Variants in SAP130 observed in about 807,000 individuals in gnomAD.
The protein encoded by SAP130 is histone deacetylase complex subunit SAP130.
In SAP130, 16 loss-of-function variants were observed where a neutral mutation model predicts 103.2. That is an observed-to-expected ratio of 0.16 (90% confidence interval 0.10 to 0.24). The LOEUF (loss-of-function observed/expected upper bound fraction) is 0.24. SAP130 is among the 10% of genes least tolerant of loss of function. The pLI is 1.00. For synonymous variants in SAP130, 477 were observed against 497.0 expected, an observed-to-expected ratio of 0.96 and a Z score of 0.53; for missense variants, 990 against 1,359.7, an observed-to-expected ratio of 0.73 and a Z score of 4.28.
At chr2:127,964,909 G>C (rs1680536401) in intron 15 of SAP130, among the ~76,000 whole-genome samples, 1 of 150,770 alleles carries the variant, frequency 6.6e-6, no homozygotes, top group Admixed American at 6.7e-5. Context: ...TGAGACACAA[G>C]AATCACTTGA....
At chr2:127,980,353 C>T (rs947600257) in intron 14 of SAP130, among the ~76,000 whole-genome samples, 1 of 152,074 alleles carries the variant, frequency 6.6e-6, no homozygotes, top group African/African-American at 2.4e-5. Flanking sequence ...TATAAACCGA[C>T]AGAATGACCA....
intron 14 of SAP130, among the ~76,000 whole-genome samples, chr2:127,983,820 GTTGTTTTTT>G (rs1306045953): frequency 3.4e-4 from 38 of 112,368 alleles, no homozygotes; most frequent in African/African-American, 1.2e-3. Context: ...CTATTACTTT[GTTGTTTTTT>G]TTTTTTTTTT....
intron 6 of SAP130, among the ~76,000 whole-genome samples, chr2:128,011,437 G>A (rs1039352807): frequency 1.5e-4 from 23 of 152,156 alleles, no homozygotes; most frequent in African/African-American, 4.6e-4. Context: ...CTAAATGGCC[G>A]AGCTCTGCCC....
intron 15 of SAP130, among the ~76,000 whole-genome samples, chr2:127,958,493 G>C (rs2104781286): frequency 6.6e-6 from 1 of 152,282 alleles, no homozygotes; most frequent in Non-Finnish European, 1.5e-5. Flanking sequence ...AGAAAGAAAT[G>C]AACACATAAG....
At chr2:127,961,757 C>G (rs546739514) in intron 15 of SAP130, among the ~76,000 whole-genome samples, 1 of 152,136 alleles carries the variant, frequency 6.6e-6, no homozygotes, top group African/African-American at 2.4e-5. Context: ...AGTGGACGAA[C>G]CACTTGCTGT....
chr2:127,957,615 G>A (rs904896018), intron 15 of SAP130, among the ~76,000 whole-genome samples: 3 of 151,274 alleles, frequency 2.0e-5, no homozygotes, highest in Non-Finnish European at 2.9e-5. Context: ...GGTTGAGGCC[G>A]CAATGAGTTA....
At chr2:127,999,259 G>T (rs891214634) in intron 10 of SAP130, among the ~76,000 whole-genome samples, 9 of 152,076 alleles carry the variant, frequency 5.9e-5, no homozygotes, top group Admixed American at 4.6e-4. Context: ...GCTCAGAGGG[G>T]CTGGAACCCA....
intron 2 of SAP130, among the ~76,000 whole-genome samples, chr2:128,018,329 AAAC>A (rs1194376541): frequency 4.1e-5 from 6 of 147,066 alleles, no homozygotes; most frequent in African/African-American, 1.1e-4. Context: ...AAAAAAAAAA[AAAC>A]AAACCAAAAA....
intron 15 of SAP130, among the ~76,000 whole-genome samples, chr2:127,956,008 T>C (rs1158703221): frequency 1.3e-5 from 2 of 152,212 alleles, no homozygotes; most frequent in African/African-American, 2.4e-5. Context: ...AATATATATG[T>C]TGTCTTTGGA....
rs188873607 is a variant in SAP130 at position 127,948,159 on chromosome 2, C to G, written c.2797+1710G>C. Reference sequence around the variant, plus strand: ...CTGCATTCAAAGTGAGTTTCTTGTACACAGCACATAGTTGGACTGTGTTTT... The same window carrying G: ...CTGCATTCAAAGTGAGTTTCTTGTAGACAGCACATAGTTGGACTGTGTTTT... On this transcript the variant is annotated intron_variant, in intron 18 of 20. Transcript: ENST00000643581. Among the ~76,000 whole-genome samples, 307 of 152,192 alleles carry G rather than the reference C, an allele frequency of 2.0e-3. 3 individuals are homozygous for G. Among genetic ancestry groups the G allele is most frequent in the South Asian group, 0.011 (52 of 4,824 alleles).
At chr2:128,000,029 G>T in intron 9 of SAP130, 27 bp downstream of exon 9, 1 of 1,605,440 alleles carries the variant, frequency 6.2e-7, no homozygotes, top group Non-Finnish European at 8.5e-7. Context: ...TTCCCCAGTA[G>T]AAGGAAGAGG....
chr2:127,941,951 CA>C lies in SAP130; in HGVS notation c.*54del. 1 of 308,348 alleles carries C rather than the reference CA, an allele frequency of 3.2e-6. No homozygotes were observed. Among genetic ancestry groups the C allele is most frequent in the Non-Finnish European group, 6.0e-6 (1 of 165,334 alleles). 19.1% of individuals were successfully genotyped at this position (308,348 alleles called of 1,614,324 possible). A position where few individuals can be genotyped will look rare whatever the true frequency, so the allele number is the denominator to read the frequency against. On this transcript the variant is annotated 3_prime_UTR_variant, in exon 21 of 21. Transcript: ENST00000643581. ...TTGGAAAAAACCAAAACCCTCCCCC[CA>C]CCCCCACCATCATTCTTCATAAATT...
At chr2:127,982,750 G>A (rs1022155207) in intron 14 of SAP130, among the ~76,000 whole-genome samples, 3 of 152,168 alleles carry the variant, frequency 2.0e-5, no homozygotes, top group Non-Finnish European at 2.9e-5. Context: ...TTGACAAAGC[G>A]AAGTGGGATG....
At chr2:127,965,602 C>A (rs1680599284) in intron 15 of SAP130, among the ~76,000 whole-genome samples, 2 of 151,946 alleles carry the variant, frequency 1.3e-5, no homozygotes, top group South Asian at 4.1e-4. Context: ...CCAGCCTAAC[C>A]AATATGGGAA....
chr2:128,008,117 C>T (rs996463778), intron 7 of SAP130, among the ~76,000 whole-genome samples: 1 of 152,200 alleles, frequency 6.6e-6, no homozygotes, highest in African/African-American at 2.4e-5. Flanking sequence ...AACAATTCCT[C>T]TCTCCACACC....
intron 15 of SAP130, among the ~76,000 whole-genome samples, chr2:127,960,490 A>G (rs1192894692): frequency 6.6e-6 from 1 of 152,230 alleles, no homozygotes; most frequent in South Asian, 2.1e-4. Flanking sequence ...AAGATGAACT[A>G]GTGATATCTA....
At chr2:128,021,231 A>G (rs1232526618) in intron 2 of SAP130, among the ~76,000 whole-genome samples, 5 of 151,924 alleles carry the variant, frequency 3.3e-5, no homozygotes, top group Non-Finnish European at 5.9e-5. Context: ...GGCGGATCAC[A>G]AAGTCAGGAG....
At chr2:128,019,927 A>T (rs1477782786) in intron 2 of SAP130, among the ~76,000 whole-genome samples, 1 of 152,158 alleles carries the variant, frequency 6.6e-6, no homozygotes, top group Non-Finnish European at 1.5e-5. Flanking sequence ...ATACTGATGT[A>T]ATAAAGGAAG....
intron 2 of SAP130, among the ~76,000 whole-genome samples, chr2:128,023,372 G>A (rs1407735108): frequency 6.6e-6 from 1 of 152,180 alleles, no homozygotes. Context: ...AAACTCCTGA[G>A]CTCAAAGCGA....
Sources: allele counts gnomAD v4.1 joint callset (sites outside exome capture counted in the v4.1 genomes callset), GRCh38; gene constraint gnomAD v4.1.1; transcripts MANE v1.5; gene names NCBI Gene and HGNC (gene_info 2026-07-23, HGNC 2026-07-21).